The following SLC27A1 variants were observed in gnomAD, a reference collection of about 807,000 sequenced individuals.
SLC27A1 encodes the protein long-chain fatty acid transport protein 1.
A neutral mutation model predicts 62.2 loss-of-function variants in SLC27A1; 61 were observed. That is an observed-to-expected ratio of 0.98 (90% CI 0.80 to 1.21). The LOEUF (loss-of-function observed/expected upper bound fraction) is 1.21, where lower values mean the gene tolerates loss of function less well. Ranked by LOEUF, SLC27A1 falls within the 50% of genes most tolerant of loss-of-function variation. SLC27A1 has a pLI of 0.00. For synonymous variants in SLC27A1, 435 were observed against 408.6 expected, an observed-to-expected ratio of 1.06 and a Z score of -0.78; for missense variants, 903 against 932.1, an observed-to-expected ratio of 0.97 and a Z score of 0.41.
chr19:17,478,564 G>A (rs892317203), intron 1 of SLC27A1, among the ~76,000 whole-genome samples: 1 of 151,072 alleles, frequency 6.6e-6, no homozygotes, highest in African/African-American at 2.4e-5. Context: ...GCTGAATTAA[G>A]GAGGCAGAGT....
chr19:17,477,237 G>A (rs565292046), intron 1 of SLC27A1, among the ~76,000 whole-genome samples: 174 of 58,986 alleles, frequency 2.9e-3, no homozygotes, highest in African/African-American at 1.0e-2. Flanking sequence ...TGGATGAGCA[G>A]CGCTTTTTTT....
chr19:17,472,972 G>A (rs1356107595), intron 1 of SLC27A1, among the ~76,000 whole-genome samples: 1 of 152,028 alleles, frequency 6.6e-6, no homozygotes, highest in Non-Finnish European at 1.5e-5. Flanking sequence ...TTAATAGAAT[G>A]TTTTTTATAG....
At position 17,487,487 on chromosome 19, in the gene SLC27A1, G is replaced by T; in HGVS notation, c.752G>T (p.Gly251Val). Residue 251 changes from glycine to valine, a missense_variant, in exon 4 of 12, where the codon GGG (glycine) becomes GTG (valine). Transcript: ENST00000252595. ...CGTCTTTTCTACATCTACACGTCGGGGACCACCGGGCTGCCCAAGGCTGCC... is the reference window on the plus strand; with the variant it reads ...CGTCTTTTCTACATCTACACGTCGGTGACCACCGGGCTGCCCAAGGCTGCC... Reference protein sequence around the residue: ...DDRLFYIYTSGTTGLPKAAIV... With the variant: ...DDRLFYIYTSVTTGLPKAAIV... The T allele has an allele frequency of 6.2e-7, 1 of 1,610,878 alleles. No individual in the cohort carries two copies. The highest frequency in any genetic ancestry group is 1.3e-5 in the African/African-American group (1 of 74,698).
chr19:17,504,840 T>C lies in SLC27A1; in HGVS notation c.*228T>C, dbSNP rs771403950. On this transcript the variant is annotated 3_prime_UTR_variant, in exon 12 of 12. Transcript: ENST00000252595. ...TCCCTGCTTTTCAGCCTCTGTCTCCTTCCATCCCTGTCCCTGTCTGGCCTT... is the reference window on the plus strand; with the variant it reads ...TCCCTGCTTTTCAGCCTCTGTCTCCCTCCATCCCTGTCCCTGTCTGGCCTT... 18 of 694,620 alleles carry C rather than the reference T, an allele frequency of 2.6e-5. No homozygotes were observed. The highest frequency in any genetic ancestry group is 8.1e-5 in the Admixed American group (4 of 49,590). 43.0% of individuals were successfully genotyped at this position (694,620 alleles called of 1,614,324 possible).
intron 7 of SLC27A1, chr19:17,498,633 A>C (rs1020675281): frequency 4.3e-6 from 1 of 230,824 alleles, no homozygotes; most frequent in African/African-American, 2.3e-5. Flanking sequence ...CAAGACAAAG[A>C]GATGAAAGAA....
intron 1 of SLC27A1, among the ~76,000 whole-genome samples, chr19:17,475,484 A>T (rs1011447108): frequency 2.0e-5 from 3 of 152,154 alleles, no homozygotes; most frequent in African/African-American, 7.2e-5. Context: ...GCAGTGAGCC[A>T]TGATTGCCCC....
chr19:17,478,472 A>G (rs932666237), intron 1 of SLC27A1, among the ~76,000 whole-genome samples: 1 of 151,266 alleles, frequency 6.6e-6, no homozygotes, highest in Admixed American at 6.6e-5. Flanking sequence ...GTCTCAAAAA[A>G]AAAAAAAAAA....
chr19:17,482,860 C>A (rs1049844551), intron 1 of SLC27A1, among the ~76,000 whole-genome samples: 1 of 152,040 alleles, frequency 6.6e-6, no homozygotes, highest in African/African-American at 2.4e-5. Context: ...ATTGGTCCAC[C>A]CTCTATTGAC....
At chr19:17,482,695 G>A (rs1396337066) in intron 1 of SLC27A1, among the ~76,000 whole-genome samples, 5 of 151,624 alleles carry the variant, frequency 3.3e-5, no homozygotes, top group African/African-American at 4.8e-5. Flanking sequence ...AGAATGGAGC[G>A]GGAGGAGGGT....
At chr19:17,484,849 A>G (rs1293965751) in intron 1 of SLC27A1, among the ~76,000 whole-genome samples, 1 of 152,170 alleles carries the variant, frequency 6.6e-6, no homozygotes, top group Non-Finnish European at 1.5e-5. Flanking sequence ...GGCCTGGGAA[A>G]GGCAGGGGAG....
At position 17,487,877 on chromosome 19, in the gene SLC27A1, G is replaced by T. The variant is rs1490434731; in HGVS notation, c.794+348G>T. The stretch of plus-strand genomic sequence containing the variant: ...CCAGCAAAACCCGTCCTCTCCATCT[G>T]TCTACTTTTTTCCATGCCCCCCATC... On this transcript the variant is annotated intron_variant, in intron 4 of 11. Coordinates refer to ENST00000252595, the MANE Select transcript of SLC27A1 (RefSeq NM_198580.3). Among the ~76,000 whole-genome samples, 3 of 150,780 alleles carry T rather than the reference G, an allele frequency of 2.0e-5. No homozygotes were observed. In the East Asian group the frequency reaches 5.9e-4, roughly 29 times the overall value.
At position 17,504,900 on chromosome 19, in the gene SLC27A1, C is replaced by T. The variant is rs1478344298; in HGVS notation, c.*288C>T. 5.8e-6 allele frequency: 3 copies of T among 519,958 alleles called. No homozygotes were observed. Among genetic ancestry groups the T allele is most frequent in the Non-Finnish European group, 3.6e-6 (1 of 274,754 alleles). 32.2% of individuals were successfully genotyped at this position (519,958 alleles called of 1,614,324 possible). ...CTCTTTTTCTTTTCTTTCTTTCTTT[C>T]TTTTTTTTTTAAGATAGAGTCTCAC... On this transcript the variant is annotated 3_prime_UTR_variant, in exon 12 of 12. Coordinates refer to ENST00000252595, the MANE Select transcript of SLC27A1 (RefSeq NM_198580.3).
chr19:17,501,166 G>A, intron 10 of SLC27A1, 107 bp from the exon 11 acceptor site: 1 of 1,458,204 alleles, frequency 6.9e-7, no homozygotes, highest in Admixed American at 2.1e-5. Context: ...CCCAGGTTGG[G>A]AGAGACTGGA....
intron 11 of SLC27A1, 37 bp downstream of exon 11, chr19:17,501,456 C>T (rs1568425473): frequency 1.3e-6 from 2 of 1,595,628 alleles, no homozygotes; most frequent in South Asian, 1.1e-5. Context: ...TCTCTTCATC[C>T]ATCAGTGTGT....
At chr19:17,494,223 C>T (rs1168899855) in intron 6 of SLC27A1, among the ~76,000 whole-genome samples, 15 of 151,486 alleles carry the variant, frequency 9.9e-5, no homozygotes, top group African/African-American at 3.2e-4. Flanking sequence ...CAGGGTTTCA[C>T]GGTGTTAGCC....
chr19:17,480,101 C>T (rs1056027272), intron 1 of SLC27A1, among the ~76,000 whole-genome samples: 3 of 152,126 alleles, frequency 2.0e-5, no homozygotes, highest in African/African-American at 7.2e-5. Context: ...GATCTCAGCT[C>T]ACTGCAACCT....
chr19:17,487,208 T>C lies in SLC27A1; in HGVS notation c.597T>C (p.Ser199=), dbSNP rs775932661. 1 of 1,613,982 alleles carries C rather than the reference T, an allele frequency of 6.2e-7. No individual in the cohort carries two copies. Residue 199 remains serine, a synonymous_variant, in exon 3 of 12, where the codon AGT becomes AGC. Coordinates refer to ENST00000252595, the MANE Select transcript of SLC27A1 (RefSeq NM_198580.3). ...AAGTGAGCGGGCATCTGGGGAAAAGTTTGATCAAGTTCTGCTCTGGAGACT... is the reference window on the plus strand; with the variant it reads ...AAGTGAGCGGGCATCTGGGGAAAAGCTTGATCAAGTTCTGCTCTGGAGACT... ...VAEVSGHLGK[S]LIKFCSGDLG...
chr19:17,483,791 G>C (rs1382865786), intron 1 of SLC27A1: 1 of 152,648 alleles, frequency 6.6e-6, no homozygotes, highest in Non-Finnish European at 1.5e-5. Context: ...GTCCTCAACT[G>C]TGCCCCATTC....
intron 1 of SLC27A1, among the ~76,000 whole-genome samples, chr19:17,483,457 G>A (rs527747358): frequency 6.6e-6 from 1 of 152,196 alleles, no homozygotes; most frequent in East Asian, 1.9e-4. Context: ...TGAGCTTGTG[G>A]GTCATGGTGG....
Sources: allele counts gnomAD v4.1 joint callset (sites outside exome capture counted in the v4.1 genomes callset), GRCh38; gene constraint gnomAD v4.1.1; transcripts MANE v1.5; gene names NCBI Gene and HGNC (gene_info 2026-07-23, HGNC 2026-07-21).